Variants in MAGT1 observed in about 807,000 individuals in gnomAD.
The protein encoded by MAGT1 is magnesium transporter 1.
A neutral mutation model predicts 28.4 loss-of-function variants in MAGT1; 4 were observed. The ratio of observed to expected loss-of-function variants is 0.14; its 90% CI spans 0.07 to 0.32. The LOEUF (loss-of-function observed/expected upper bound fraction) is 0.32. Among genes scored for constraint, MAGT1 ranks in the 10% least tolerant of loss-of-function variants. MAGT1 has a pLI of 1.00. For missense variants in MAGT1, 193 were observed against 264.5 expected, an observed-to-expected ratio of 0.73 and a Z score of 1.88; for synonymous variants, 89 against 89.7, an observed-to-expected ratio of 0.99 and a Z score of 0.04.
intron 7 of MAGT1, among the ~76,000 whole-genome samples, chrX:77,848,885 T>C (rs2076959319): frequency 9.1e-6 from 1 of 109,432 alleles, no homozygotes; most frequent in African/African-American, 3.3e-5. Context: ...GTGGTAGTGC[T>C]CACCTATAGT....
In MAGT1 at chrX:77,827,349, C is replaced by CATAACAGCAAAAAATAACAGCAAA. The variant is rs1557213029; in HGVS notation, c.*1870_*1871insTTTGCTGTTATTTTTTGCTGTTAT. 5.4e-5 allele frequency: 6 copies of CATAACAGCAAAAAATAACAGCAAA among 111,387 alleles called. No homozygotes were observed. Among genetic ancestry groups the CATAACAGCAAAAAATAACAGCAAA allele is most frequent in the African/African-American group, 1.9e-4 (6 of 30,783 alleles). The allele number at this position is 111,387 out of a possible 1,213,427, so 9.2% of individuals were successfully genotyped here. A position where few individuals can be genotyped will look rare whatever the true frequency, so the allele number is the denominator to read the frequency against. The stretch of plus-strand genomic sequence containing the variant: ...ACTAAAATAACAGCAAAACATAGAA[C>CATAACAGCAAAAAATAACAGCAAA]AGCTTTCGAGAAACGCTTAATTTCT... On this transcript the variant is annotated 3_prime_UTR_variant, in exon 10 of 10. Transcript: ENST00000618282.
intron 3 of MAGT1, among the ~76,000 whole-genome samples, chrX:77,870,193 T>C (rs2077017106): frequency 9.0e-6 from 1 of 111,039 alleles, no homozygotes; most frequent in Non-Finnish European, 1.9e-5. Context: ...GAGTAGGAGT[T>C]AAACTATGAG....
intron 1 of MAGT1, among the ~76,000 whole-genome samples, chrX:77,894,352 CAT>C (rs1158138692): frequency 8.9e-6 from 1 of 112,122 alleles, no homozygotes; most frequent in Non-Finnish European, 1.9e-5. Flanking sequence ...TACTTAGAAA[CAT>C]AGAGAAGATA....
chrX:77,871,933 C>A (rs190323760), intron 2 of MAGT1, among the ~76,000 whole-genome samples: 1 of 111,434 alleles, frequency 9.0e-6, no homozygotes, highest in Non-Finnish European at 1.9e-5. Flanking sequence ...TTCTCATTTG[C>A]GATAAAAGTT....
chrX:77,831,326 A>G (rs953133736), intron 8 of MAGT1, among the ~76,000 whole-genome samples: 1 of 111,319 alleles, frequency 9.0e-6, no homozygotes, highest in Non-Finnish European at 1.9e-5. Flanking sequence ...CTGGCAGTCT[A>G]TACTTTCAGA....
intron 3 of MAGT1, among the ~76,000 whole-genome samples, chrX:77,869,722 A>G (rs1323656695): frequency 9.0e-6 from 1 of 111,274 alleles, no homozygotes; most frequent in Non-Finnish European, 1.9e-5. Context: ...CAAAAAAAAA[A>G]ACACAAAAAA....
At chrX:77,849,892 A>G (rs2076962414) in intron 7 of MAGT1, among the ~76,000 whole-genome samples, 2 of 105,646 alleles carry the variant, frequency 1.9e-5, no homozygotes, top group East Asian at 5.9e-4. Flanking sequence ...AAAAACAAAA[A>G]ACCAAAAAAA....
At chrX:77,832,634 G>A (rs1343006424) in intron 8 of MAGT1, among the ~76,000 whole-genome samples, 1 of 109,154 alleles carries the variant, frequency 9.2e-6, no homozygotes. Context: ...TTCAAGACCA[G>A]CCTGGCCAAG....
chrX:77,889,395 A>C, intron 1 of MAGT1, among the ~76,000 whole-genome samples: 1 of 100,506 alleles, frequency 9.9e-6, no homozygotes, highest in African/African-American at 3.7e-5. Context: ...TTTGACATGG[A>C]ATGACTCTGT....
chrX:77,853,905 C>G lies in MAGT1; in HGVS notation c.822G>C (p.Leu274=), dbSNP rs782631610. 8.3e-7 allele frequency: 1 copy of G among 1,198,980 alleles called. No individual in the cohort carries two copies. The highest frequency in any genetic ancestry group is 1.1e-6 in the Non-Finnish European group (1 of 885,165). Residue 274 remains leucine (L), a synonymous_variant, in exon 7 of 10, where the codon CTG becomes CTC. Transcript: ENST00000618282. The part of the protein sequence containing the change: ...QFVAETHIVL[L]FNGGVTLGMV... ...AGACTTATTGTAAAAGGATACTAAACAGAAGAACAATGTGTGTTTCAGCTA... is the reference window on the plus strand; with the variant it reads ...AGACTTATTGTAAAAGGATACTAAAGAGAAGAACAATGTGTGTTTCAGCTA...
chrX:77,847,975 C>T (rs922651360), intron 7 of MAGT1, among the ~76,000 whole-genome samples: 2 of 111,507 alleles, frequency 1.8e-5, no homozygotes, highest in Admixed American at 1.9e-4. Context: ...TTGAGACTTG[C>T]TCTGGGGAAA....
chrX:77,869,131 T>C (rs1451953008), intron 3 of MAGT1, among the ~76,000 whole-genome samples: 2 of 111,262 alleles, frequency 1.8e-5, no homozygotes, highest in Non-Finnish European at 3.8e-5. Context: ...TTCTCATGCC[T>C]CAGCATCCCG....
intron 1 of MAGT1, among the ~76,000 whole-genome samples, chrX:77,894,510 C>A (rs782492949): frequency 8.9e-6 from 1 of 111,865 alleles, no homozygotes; most frequent in South Asian, 3.7e-4. Flanking sequence ...GGGTTTGAGT[C>A]CTCGTTCATT....
chrX:77,860,028 T>C (rs2076990782), intron 3 of MAGT1, among the ~76,000 whole-genome samples: 1 of 112,334 alleles, frequency 8.9e-6, no homozygotes, highest in Non-Finnish European at 1.9e-5. Context: ...ACTATTAATT[T>C]GTGTTTCCCT....
intron 1 of MAGT1, among the ~76,000 whole-genome samples, chrX:77,878,021 C>A (rs2077040594): frequency 9.3e-6 from 1 of 107,260 alleles, no homozygotes; most frequent in African/African-American, 3.4e-5. Flanking sequence ...GTGGCTCACA[C>A]CTGTAATCCC....
At chrX:77,838,411 T>C (rs1380278113) in intron 8 of MAGT1, among the ~76,000 whole-genome samples, 1 of 108,192 alleles carries the variant, frequency 9.2e-6, no homozygotes, top group Non-Finnish European at 1.9e-5. Context: ...GAGTCATTAT[T>C]GTGGCACTGC....
intron 7 of MAGT1, among the ~76,000 whole-genome samples, chrX:77,842,140 C>A (rs1042380944): frequency 1.8e-5 from 2 of 110,276 alleles, no homozygotes; most frequent in Middle Eastern, 4.7e-3. Flanking sequence ...CACCTGTAAT[C>A]CTAACAGTTT....
chrX:77,879,944 T>C (rs1557218249), intron 1 of MAGT1, among the ~76,000 whole-genome samples: 2 of 103,977 alleles, frequency 1.9e-5, no homozygotes, highest in East Asian at 6.3e-4. Context: ...GTTCAAGTGA[T>C]TCTCGTGCCT....
In MAGT1 at chrX:77,828,232, G is replaced by A. The variant is rs1478769760; in HGVS notation, c.*988C>T. The A allele has an allele frequency of 9.1e-6, 1 of 110,403 alleles. No homozygotes were observed. The highest frequency in any genetic ancestry group is 1.9e-5 in the Non-Finnish European group (1 of 52,852). 9.1% of individuals were successfully genotyped at this position (110,403 alleles called of 1,213,427 possible). ...TGGCCTCAAGCAATCCACCTGCCTC[G>A]GACTCCCAATAGATGTCTTTTCATG... On this transcript the variant is annotated 3_prime_UTR_variant, in exon 10 of 10. Transcript: ENST00000618282.
Sources: allele counts gnomAD v4.1 joint callset (sites outside exome capture counted in the v4.1 genomes callset), GRCh38; gene constraint gnomAD v4.1.1; transcripts MANE v1.5; gene names NCBI Gene and HGNC (gene_info 2026-07-23, HGNC 2026-07-21).